Variants in APOO observed in about 807,000 individuals in gnomAD.
The protein encoded by APOO is apolipoprotein O.
A neutral mutation model predicts 23.1 loss-of-function variants in APOO; 11 were observed. That is an observed-to-expected ratio of 0.48 (90% CI 0.30 to 0.79). The LOEUF is 0.79. APOO is among the 30% of genes least tolerant of loss of function. The pLI, the probability that APOO is intolerant of heterozygous loss-of-function variation, is 0.07. For synonymous variants in APOO, 59 were observed against 54.8 expected (o/e 1.08, Z -0.34); for missense variants, 160 against 142.7 (o/e 1.12, Z -0.62).
chrX:23,882,357 C>T (rs1196543766), intron 1 of APOO, among the ~76,000 whole-genome samples: 2 of 112,167 alleles, frequency 1.8e-5, no homozygotes, highest in Non-Finnish European at 3.8e-5. Context: ...TTTTGTATTA[C>T]AGAATAGCCT....
At chrX:23,843,747 C>A (rs943886765) in intron 7 of APOO, among the ~76,000 whole-genome samples, 1 of 109,432 alleles carries the variant, frequency 9.1e-6, no homozygotes, top group Admixed American at 9.8e-5. Context: ...CTACACCCAG[C>A]TAATTATTGT....
chrX:23,854,094 T>C (rs1426608184), intron 7 of APOO, among the ~76,000 whole-genome samples: 2 of 112,564 alleles, frequency 1.8e-5, no homozygotes, highest in African/African-American at 6.5e-5. Flanking sequence ...ATTAAAAATC[T>C]TTACCACCTC....
chrX:23,842,482 C>T (rs372431643), intron 7 of APOO, among the ~76,000 whole-genome samples: 8 of 111,391 alleles, frequency 7.2e-5, no homozygotes, highest in South Asian at 3.8e-4. Flanking sequence ...TCCATGAACA[C>T]GAATAACAAT....
intron 7 of APOO, among the ~76,000 whole-genome samples, chrX:23,842,783 T>C (rs1157124031): frequency 8.9e-6 from 1 of 111,849 alleles, no homozygotes; most frequent in Non-Finnish European, 1.9e-5. Context: ...CCAAGGTGGG[T>C]GGATCACCTG....
At chrX:23,865,334 T>C (rs1029388069) in intron 5 of APOO, among the ~76,000 whole-genome samples, 1 of 111,167 alleles carries the variant, frequency 9.0e-6, no homozygotes, top group Non-Finnish European at 1.9e-5. Context: ...CCAGGCACAG[T>C]GGCTCACAAC....
intron 3 of APOO, 109 bp downstream of exon 3, chrX:23,878,806 T>G: frequency 1.0e-6 from 1 of 969,559 alleles, no homozygotes; most frequent in Non-Finnish European, 1.4e-6. Context: ...CTGTCAACCA[T>G]CTCAGGGCCC....
In APOO at chrX:23,876,567, G is replaced by A. The variant is rs770113474; in HGVS notation, c.238-2110C>T. ...TGTAATCCCAGCACCTTGGGAGGCC[G>A]AGGTGGACGGATCACAAGGTCAAGA... On this transcript the variant is annotated intron_variant, in intron 3 of 8. Transcript: ENST00000379226. Among the ~76,000 whole-genome samples the A allele has an allele frequency of 2.7e-5, 3 of 110,626 alleles. No individual in the cohort carries two copies. In the East Asian group the frequency reaches 8.4e-4, roughly 31 times the overall value.
intron 1 of APOO, among the ~76,000 whole-genome samples, chrX:23,902,676 C>T (rs1927177872): frequency 8.9e-6 from 1 of 111,893 alleles, no homozygotes; most frequent in African/African-American, 3.3e-5. Flanking sequence ...ATAACTATAT[C>T]AAAACATCGC....
At chrX:23,870,682 T>C (rs1433456549) in intron 4 of APOO, among the ~76,000 whole-genome samples, 2 of 109,414 alleles carry the variant, frequency 1.8e-5, no homozygotes, top group African/African-American at 3.3e-5. Context: ...TCCCAGCTAC[T>C]TGGGAGGCTG....
chrX:23,845,186 C>A (rs931526850), intron 7 of APOO, among the ~76,000 whole-genome samples: 1 of 112,029 alleles, frequency 8.9e-6, no homozygotes, highest in Non-Finnish European at 1.9e-5. Context: ...GGATTTCTAA[C>A]TTTTCATTTT....
intron 7 of APOO, among the ~76,000 whole-genome samples, chrX:23,845,796 A>G (rs1219454356): frequency 1.8e-5 from 2 of 112,274 alleles, no homozygotes; most frequent in Non-Finnish European, 3.7e-5. Context: ...CCTGAATAAA[A>G]CTATTAACAG....
At chrX:23,867,719 T>A (rs1476974999) in intron 5 of APOO, among the ~76,000 whole-genome samples, 1 of 110,930 alleles carries the variant, frequency 9.0e-6, no homozygotes, top group Non-Finnish European at 1.9e-5. Flanking sequence ...ATTTTTTGCA[T>A]TTTTAGTAGA....
intron 1 of APOO, among the ~76,000 whole-genome samples, chrX:23,882,375 C>T (rs1271298006): frequency 2.7e-5 from 3 of 112,197 alleles, no homozygotes; most frequent in African/African-American, 9.7e-5. Flanking sequence ...CCTCATCTTT[C>T]ACATTACAGG....
At chrX:23,841,601 G>C (rs1232371834) in intron 7 of APOO, among the ~76,000 whole-genome samples, 1 of 109,159 alleles carries the variant, frequency 9.2e-6, no homozygotes, top group Admixed American at 9.9e-5. Context: ...CTGCTTGGCG[G>C]ACCAATGATC....
chrX:23,876,963 A>G (rs1925886637), intron 3 of APOO, among the ~76,000 whole-genome samples: 1 of 112,591 alleles, frequency 8.9e-6, no homozygotes, highest in African/African-American at 3.2e-5. Context: ...AAAAACTATT[A>G]TAATTACAAG....
chrX:23,879,140 T>G, intron 2 of APOO, 106 bp from the exon 3 acceptor site: 8 of 928,244 alleles, frequency 8.6e-6, no homozygotes, highest in Non-Finnish European at 1.0e-5. Context: ...ATTCATGAAT[T>G]ACAGTGACTC....
At chrX:23,858,539 G>T (rs1924875077) in intron 6 of APOO, 103 bp downstream of exon 6, 2 of 769,167 alleles carry the variant, frequency 2.6e-6, no homozygotes, top group Admixed American at 6.5e-5. Flanking sequence ...ACAAATTTTA[G>T]TCTGGTGTTA....
At chrX:23,874,988 T>A (rs1925775497) in intron 3 of APOO, among the ~76,000 whole-genome samples, 1 of 111,660 alleles carries the variant, frequency 9.0e-6, no homozygotes. Flanking sequence ...GATGGCTCAC[T>A]CCTGTAATCC....
At chrX:23,889,957 G>C (rs1046609284) in intron 1 of APOO, among the ~76,000 whole-genome samples, 1 of 110,904 alleles carries the variant, frequency 9.0e-6, no homozygotes. Context: ...CACCGCGCCT[G>C]GCCCACCTGG....
Sources: allele counts gnomAD v4.1 joint callset (sites outside exome capture counted in the v4.1 genomes callset), GRCh38; gene constraint gnomAD v4.1.1; transcripts MANE v1.5; gene names NCBI Gene and HGNC (gene_info 2026-07-23, HGNC 2026-07-21).